Variants in ATP9B observed in about 807,000 individuals in gnomAD.
ATP9B encodes ATPase phospholipid transporting 9B, also known as probable phospholipid-transporting ATPase IIB.
Under a neutral mutation model 146.1 loss-of-function variants are expected in ATP9B, and 110 were observed. The ratio of observed to expected loss-of-function variants is 0.75; its 90% CI spans 0.65 to 0.88. ATP9B has a LOEUF of 0.88. Among genes scored for constraint, ATP9B ranks in the 40% least tolerant of loss-of-function variants. The pLI is 0.00. For missense variants in ATP9B, 1,499 were observed against 1,496.4 expected, an observed-to-expected ratio of 1.00 and a Z score of -0.03; for synonymous variants, 604 against 569.7, an observed-to-expected ratio of 1.06 and a Z score of -0.86.
At chr18:79,308,359 G>A (rs186916055) in intron 15 of ATP9B, among the ~76,000 whole-genome samples, 1 of 152,298 alleles carries the variant, frequency 6.6e-6, no homozygotes, top group East Asian at 1.9e-4. Flanking sequence ...AATGTTCACA[G>A]CAGTGTTAGA....
chr18:79,090,368 G>A (rs530112973), intron 1 of ATP9B, among the ~76,000 whole-genome samples: 1 of 152,276 alleles, frequency 6.6e-6, no homozygotes, highest in Non-Finnish European at 1.5e-5. Flanking sequence ...CACAGTGATT[G>A]TACTAATTTA....
At chr18:79,188,399 C>T (rs146677829) in intron 8 of ATP9B, among the ~76,000 whole-genome samples, 125 of 152,308 alleles carry the variant, frequency 8.2e-4, no homozygotes, top group Non-Finnish European at 1.4e-3. Context: ...GCTCGGCCCT[C>T]GGTGCTCCCT....
At chr18:79,075,961 A>T (rs1260218645) in intron 1 of ATP9B, among the ~76,000 whole-genome samples, 4 of 152,168 alleles carry the variant, frequency 2.6e-5, no homozygotes, top group African/African-American at 9.7e-5. Context: ...TAGCTCTAGG[A>T]ATTACATTAC....
chr18:79,179,004 G>A (rs2095217189), intron 8 of ATP9B, among the ~76,000 whole-genome samples: 1 of 152,110 alleles, frequency 6.6e-6, no homozygotes, highest in African/African-American at 2.4e-5. Context: ...TACTTTTTGG[G>A]AAAACACTTG....
chr18:79,096,370 C>T, intron 1 of ATP9B, 106 bp from the exon 2 acceptor site: 3 of 1,054,308 alleles, frequency 2.8e-6, no homozygotes, highest in Non-Finnish European at 4.2e-6. Context: ...TAATGCTTTC[C>T]CTCAGCTGAA....
At chr18:79,077,838 T>C (rs1351726634) in intron 1 of ATP9B, 18 of 152,278 alleles carry the variant, frequency 1.2e-4, no homozygotes, top group Admixed American at 1.2e-3. Context: ...TCGTATCTGC[T>C]TTCTGCAGCC....
chr18:79,359,471 C>G lies in ATP9B; in HGVS notation c.3012+9C>G, dbSNP rs1265839973. ...ACAAGGACCTCACCAAGGTACGGGC[C>G]TCAGGCAAGCTGTCTGCCTCACGAC... On this transcript the variant is annotated intron_variant, in intron 26 of 29. Coordinates refer to ENST00000426216, the MANE Select transcript of ATP9B (RefSeq NM_198531.5). 6.3e-7 allele frequency: 1 copy of G among 1,598,804 alleles called. No individual in the cohort carries two copies. The highest frequency in any genetic ancestry group is 8.6e-7 in the Non-Finnish European group (1 of 1,166,266).
intron 11 of ATP9B, among the ~76,000 whole-genome samples, chr18:79,235,501 T>C (rs532917407): frequency 1.3e-5 from 2 of 152,216 alleles, no homozygotes; most frequent in Non-Finnish European, 2.9e-5. Context: ...ATAACAATTA[T>C]AATACTTGTT....
At chr18:79,292,669 TAA>T (rs11388848) in intron 13 of ATP9B, among the ~76,000 whole-genome samples, 2 of 143,938 alleles carry the variant, frequency 1.4e-5, no homozygotes, top group African/African-American at 2.6e-5. Context: ...ATTTCTTCTT[TAA>T]AAAAAAAAAA....
chr18:79,265,120 A>G (rs1034023211), intron 12 of ATP9B, among the ~76,000 whole-genome samples: 4 of 152,086 alleles, frequency 2.6e-5, no homozygotes, highest in Non-Finnish European at 5.9e-5. Context: ...GTGTTCTCAC[A>G]TTTAGTGTGT....
chr18:79,169,511 C>T (rs528794295), intron 7 of ATP9B, among the ~76,000 whole-genome samples: 1 of 152,150 alleles, frequency 6.6e-6, no homozygotes, highest in Non-Finnish European at 1.5e-5. Context: ...CTGGACTCAG[C>T]GTTCCCACGG....
At chr18:79,096,721 A>T in intron 2 of ATP9B, 72 bp downstream of exon 2, 1 of 1,175,814 alleles carries the variant, frequency 8.5e-7, no homozygotes, top group South Asian at 1.7e-5. Context: ...TAATATACTT[A>T]TTAGCTATAT....
At chr18:79,109,120 A>G (rs942374854) in intron 2 of ATP9B, among the ~76,000 whole-genome samples, 1 of 152,228 alleles carries the variant, frequency 6.6e-6, no homozygotes, top group Non-Finnish European at 1.5e-5. Context: ...TGTCACAAAC[A>G]TGAAGAATAT....
At chr18:79,087,196 A>G (rs2073918050) in intron 1 of ATP9B, 1 of 152,226 alleles carries the variant, frequency 6.6e-6, no homozygotes, top group Non-Finnish European at 1.5e-5. Context: ...CCATTGCAAT[A>G]TGCTCTCTTT....
intron 8 of ATP9B, among the ~76,000 whole-genome samples, chr18:79,181,000 G>C (rs1281188482): frequency 6.6e-6 from 1 of 150,692 alleles, no homozygotes; most frequent in East Asian, 2.0e-4. Context: ...AAGTGGAGAC[G>C]GGGTTTCACC....
intron 8 of ATP9B, among the ~76,000 whole-genome samples, chr18:79,187,379 A>C (rs918788945): frequency 3.3e-5 from 5 of 152,234 alleles, no homozygotes; most frequent in Non-Finnish European, 7.4e-5. Flanking sequence ...CCCACAGGGG[A>C]GGTTCGGAAG....
intron 15 of ATP9B, among the ~76,000 whole-genome samples, chr18:79,312,756 T>C (rs1033721988): frequency 6.6e-6 from 1 of 152,226 alleles, no homozygotes. Context: ...GCTAGTTTCC[T>C]ATAGTTTAGC....
At chr18:79,234,587 G>A (rs1049551680) in intron 11 of ATP9B, among the ~76,000 whole-genome samples, 2 of 151,868 alleles carry the variant, frequency 1.3e-5, no homozygotes, top group African/African-American at 4.8e-5. Context: ...CTTGCTGTGG[G>A]TGTGCTTGCT....
chr18:79,356,719 T>C (rs2096955624), intron 25 of ATP9B, among the ~76,000 whole-genome samples: 2 of 148,862 alleles, frequency 1.3e-5, no homozygotes, highest in Non-Finnish European at 3.0e-5. Flanking sequence ...AACGGATTCA[T>C]GGTGGCCAGG....
Sources: allele counts gnomAD v4.1 joint callset (sites outside exome capture counted in the v4.1 genomes callset), GRCh38; gene constraint gnomAD v4.1.1; transcripts MANE v1.5; gene names NCBI Gene and HGNC (gene_info 2026-07-23, HGNC 2026-07-21).